The following THADA variants were observed in gnomAD, a reference collection of about 807,000 sequenced individuals.
THADA encodes the protein tRNA (32-2'-O)-methyltransferase regulator THADA.
In THADA, 213 loss-of-function variants were observed where a neutral mutation model predicts 219.8. The ratio of observed to expected loss-of-function variants is 0.97; its 90% CI spans 0.87 to 1.09. THADA has a LOEUF of 1.09. Ranked by LOEUF, THADA falls within the 50% of genes least tolerant of loss-of-function variation. The pLI is 0.00. For synonymous variants in THADA, 1,018 were observed against 828.9 expected (o/e 1.23, Z -3.92); for missense variants, 2,956 against 2,311.3 (o/e 1.28, Z -5.72).
At chr2:43,283,012 G>A (rs759312713) in intron 35 of THADA, among the ~76,000 whole-genome samples, 2 of 152,204 alleles carry the variant, frequency 1.3e-5, no homozygotes, top group Non-Finnish European at 2.9e-5. Context: ...TGGGAGGTGA[G>A]TGAATCCTGA....
At chr2:43,284,437 A>G (rs1211328615) in intron 35 of THADA, among the ~76,000 whole-genome samples, 1 of 152,218 alleles carries the variant, frequency 6.6e-6, no homozygotes, top group Non-Finnish European at 1.5e-5. Flanking sequence ...CAGAGGGTGC[A>G]AGCCCCAAGC....
chr2:43,522,304 C>A (rs1366716358), intron 22 of THADA, among the ~76,000 whole-genome samples: 1 of 152,174 alleles, frequency 6.6e-6, no homozygotes. Context: ...ACCTCCCTCA[C>A]CACTATCATA....
chr2:43,390,139 T>C (rs559306676), intron 29 of THADA, among the ~76,000 whole-genome samples: 1 of 152,340 alleles, frequency 6.6e-6, no homozygotes, highest in South Asian at 2.1e-4. Flanking sequence ...AGTAATATGA[T>C]GGATACTTTG....
chr2:43,313,093 T>C lies in THADA; in HGVS notation c.4438+7353A>G, dbSNP rs146405426. On this transcript the variant is annotated intron_variant, in intron 31 of 37. Transcript: ENST00000405975. Reference sequence around the variant, plus strand: ...TATGTCATAAAAATCACTGACCTATTTATTCATGTCACATATGTATTATTC... The same window carrying C: ...TATGTCATAAAAATCACTGACCTATCTATTCATGTCACATATGTATTATTC... Among the ~76,000 whole-genome samples, 644 of 152,336 alleles carry C rather than the reference T, an allele frequency of 4.2e-3. 5 individuals are homozygous for C. Among genetic ancestry groups the C allele is most frequent in the African/African-American group, 0.015 (618 of 41,584 alleles).
chr2:43,310,914 C>T (rs1417456155), intron 31 of THADA, among the ~76,000 whole-genome samples: 4 of 152,166 alleles, frequency 2.6e-5, no homozygotes, highest in Non-Finnish European at 4.4e-5. Context: ...CGGTGGCTCA[C>T]GCCTGTAATC....
At chr2:43,584,470 A>G (rs1700798656) in intron 7 of THADA, among the ~76,000 whole-genome samples, 1 of 152,240 alleles carries the variant, frequency 6.6e-6, no homozygotes, top group Non-Finnish European at 1.5e-5. Context: ...AAAAAGGAGA[A>G]AAAGAGACAA....
chr2:43,580,077 T>G (rs1700261557), intron 8 of THADA, among the ~76,000 whole-genome samples: 1 of 142,300 alleles, frequency 7.0e-6, no homozygotes. Flanking sequence ...CAGGCTGGAG[T>G]GCAGTGGCAT....
At chr2:43,371,254 ATT>A in intron 29 of THADA, among the ~76,000 whole-genome samples, 1 of 152,226 alleles carries the variant, frequency 6.6e-6, no homozygotes, top group Admixed American at 6.5e-5. Flanking sequence ...ATCAAATATA[ATT>A]CTTAAACTCT....
At position 43,332,090 on chromosome 2, in the gene THADA, A is replaced by C. The variant is rs1318600138; in HGVS notation, c.4344-11550T>G. Among the ~76,000 whole-genome samples, 3 of 152,280 alleles carry C rather than the reference A, an allele frequency of 2.0e-5. No homozygotes were observed. In the East Asian group the frequency reaches 5.8e-4, roughly 29 times the overall value. On this transcript the variant is annotated intron_variant, in intron 30 of 37. Transcript: ENST00000405975. Reference sequence around the variant, plus strand: ...CCAATCTGAGACAATTAATCTTATTATTATTATTTTTTTGAGACAGAATCT... The same window carrying C: ...CCAATCTGAGACAATTAATCTTATTCTTATTATTTTTTTGAGACAGAATCT...
chr2:43,359,563 C>T (rs1410992124), intron 29 of THADA, among the ~76,000 whole-genome samples: 1 of 152,154 alleles, frequency 6.6e-6, no homozygotes. Context: ...GCCTGTAATC[C>T]CAGCTTCTTG....
chr2:43,259,524 T>A (rs1477673878), intron 36 of THADA, among the ~76,000 whole-genome samples: 1 of 152,248 alleles, frequency 6.6e-6, no homozygotes, highest in Non-Finnish European at 1.5e-5. Context: ...ATATGGAGCT[T>A]TCTAGACTTA....
chr2:43,461,638 G>C (rs1012033516), intron 26 of THADA, among the ~76,000 whole-genome samples: 5 of 152,138 alleles, frequency 3.3e-5, no homozygotes, highest in African/African-American at 1.2e-4. Flanking sequence ...AAATACTGGA[G>C]GGGACTCAGC....
intron 28 of THADA, among the ~76,000 whole-genome samples, chr2:43,415,328 GT>G (rs1558724192): frequency 6.6e-6 from 1 of 152,154 alleles, no homozygotes; most frequent in African/African-American, 2.4e-5. Context: ...TTTAATATAG[GT>G]TTCAATTACC....
rs564757749 is a variant in THADA at position 43,540,931 on chromosome 2, A to T, written c.3264+228T>A. 1.8e-3 allele frequency among the ~76,000 whole-genome samples: 267 copies of T among 152,320 alleles called. 1 individual carries two copies. The highest frequency in any genetic ancestry group is 6.2e-3 in the African/African-American group (256 of 41,552). ...AAAACTACAGTTAAAAGTGAGGTAAAATCTACAGTTATTTATATACCTTAG... is the reference window on the plus strand; with the variant it reads ...AAAACTACAGTTAAAAGTGAGGTAATATCTACAGTTATTTATATACCTTAG... On this transcript the variant is annotated intron_variant, in intron 21 of 37. Transcript: ENST00000405975.
At chr2:43,554,564 A>G (rs1317139492) in intron 17 of THADA, among the ~76,000 whole-genome samples, 1 of 152,208 alleles carries the variant, frequency 6.6e-6, no homozygotes, top group Non-Finnish European at 1.5e-5. Flanking sequence ...GGGAAAAAAT[A>G]ATTGTATTAG....
intron 7 of THADA, among the ~76,000 whole-genome samples, chr2:43,582,915 T>C (rs1368404863): frequency 6.6e-6 from 1 of 152,040 alleles, no homozygotes; most frequent in Non-Finnish European, 1.5e-5. Flanking sequence ...TTTCCCCTAC[T>C]TCACCAGCAC....
rs1394566878 is a variant in THADA, at chr2:43,365,451, G to C, written c.4228-21214C>G. Among the ~76,000 whole-genome samples, 5 of 151,930 alleles carry C rather than the reference G, an allele frequency of 3.3e-5. 1 individual carries two copies. The highest frequency in any genetic ancestry group is 1.2e-4 in the African/African-American group (5 of 41,454). ...CTGGGCGTGGTGGCAGGCGCCTGTA[G>C]TCCCAGCTACTAGGGAGGCTGAGGC... On this transcript the variant is annotated intron_variant, in intron 29 of 37. Coordinates refer to ENST00000405975, the MANE Select transcript of THADA (RefSeq NM_022065.5).
At chr2:43,309,901 T>C (rs1677291667) in intron 31 of THADA, among the ~76,000 whole-genome samples, 1 of 152,180 alleles carries the variant, frequency 6.6e-6, no homozygotes, top group Non-Finnish European at 1.5e-5. Flanking sequence ...CAAATATCAA[T>C]TGTAGCTCTA....
chr2:43,514,700 TAA>T lies in THADA; in HGVS notation c.3375-5922_3375-5921del, dbSNP rs1491439412. ...TATATTATATTATATATAATATATA[TAA>T]TATATATATAAATATATATTATATA... On this transcript the variant is annotated intron_variant, in intron 22 of 37. Transcript: ENST00000405975. Among the ~76,000 whole-genome samples, 4 of 81,632 alleles carry T rather than the reference TAA, an allele frequency of 4.9e-5. 1 individual carries two copies. Among genetic ancestry groups the T allele is most frequent in the Non-Finnish European group, 8.3e-5 (4 of 48,160 alleles). 53.6% of individuals were successfully genotyped at this position (81,632 alleles called of 152,430 possible).
Sources: gnomAD v4.1 joint callset for allele counts (sites outside exome capture counted in the v4.1 genomes callset) on GRCh38, gnomAD v4.1.1 for gene constraint, MANE v1.5 for transcripts, NCBI Gene and HGNC (gene_info 2026-07-23, HGNC 2026-07-21) for gene names.